Variants in ADCY2 observed in about 807,000 individuals in gnomAD.
The protein encoded by ADCY2 is adenylate cyclase 2, also known as adenylate cyclase type 2.
ADCY2 carries 31 observed loss-of-function variants against 125.2 expected under a neutral mutation model. The ratio of observed to expected loss-of-function variants is 0.25; its 90% CI spans 0.19 to 0.33. ADCY2 has a LOEUF of 0.33. Among genes scored for constraint, ADCY2 ranks in the 10% least tolerant of loss-of-function variants. The pLI, the probability that ADCY2 is intolerant of heterozygous loss-of-function variation, is 1.00. For missense variants in ADCY2, 904 were observed against 1,418.2 expected (o/e 0.64, Z 5.82); for synonymous variants, 512 against 548.4 (o/e 0.93, Z 0.93).
chr5:7,427,430 C>A (rs1031283383), intron 2 of ADCY2, among the ~76,000 whole-genome samples: 2 of 152,150 alleles, frequency 1.3e-5, no homozygotes, highest in Non-Finnish European at 2.9e-5. Flanking sequence ...ACCTTCTTCA[C>A]AAGACAGCAG....
At position 7,826,621 on chromosome 5, in the gene ADCY2, A is replaced by G. The variant is rs752773617; in HGVS notation, c.3124-98A>G. On this transcript the variant is annotated intron_variant, in intron 24 of 24. Coordinates refer to ENST00000338316, the MANE Select transcript of ADCY2 (RefSeq NM_020546.3). ...TCTCAGGAGTGGAATTCCTGGGTCA[A>G]AGAGCATGGTGCTTTTTTTAGCTCT... 3.9e-6 allele frequency: 6 copies of G among 1,525,652 alleles called. No homozygotes were observed. In the Admixed American group the frequency reaches 5.0e-5, roughly 13 times the overall value. 94.5% of individuals were successfully genotyped at this position (1,525,652 alleles called of 1,614,324 possible).
chr5:7,397,564 C>T (rs938190459), intron 1 of ADCY2, among the ~76,000 whole-genome samples: 8 of 149,888 alleles, frequency 5.3e-5, no homozygotes, highest in Non-Finnish European at 1.2e-4. Context: ...GTGTCCACCA[C>T]CAAAGAAGTG....
intron 2 of ADCY2, among the ~76,000 whole-genome samples, chr5:7,513,743 A>G (rs12657344): frequency 0.049 from 7,430 of 152,322 alleles, 261 homozygotes; most frequent in East Asian, 0.18. Context: ...TTGCGGTACT[A>G]TTGTTGGAAG....
intron 18 of ADCY2, among the ~76,000 whole-genome samples, chr5:7,781,654 G>C (rs532617487): frequency 6.6e-6 from 1 of 152,318 alleles, no homozygotes; most frequent in Admixed American, 6.5e-5. Flanking sequence ...ACAACACTGA[G>C]ATGATACATT....
intron 3 of ADCY2, among the ~76,000 whole-genome samples, chr5:7,606,318 T>G (rs1437522949): frequency 6.6e-6 from 1 of 151,950 alleles, no homozygotes; most frequent in African/African-American, 2.4e-5. Context: ...TATGGAAAAA[T>G]TTTTTTTAAA....
chr5:7,826,202 AG>A (rs1351263065), intron 24 of ADCY2, among the ~76,000 whole-genome samples: 1 of 152,050 alleles, frequency 6.6e-6, no homozygotes, highest in Non-Finnish European at 1.5e-5. Flanking sequence ...TACAGTGCTC[AG>A]TGCTCCTTCT....
rs138136463 is a variant in ADCY2 at position 7,729,900 on chromosome 5, A to G, written c.1871+2639A>G. On this transcript the variant is annotated intron_variant, in intron 14 of 24. Coordinates refer to ENST00000338316, the MANE Select transcript of ADCY2 (RefSeq NM_020546.3). ...TTTTAATGTTATATATTTTTGGTCA[A>G]TATCTTTTGGGATAGAAGTGGTTTT... Among the ~76,000 whole-genome samples the G allele has an allele frequency of 2.6e-3, 393 of 151,292 alleles. 2 individuals carry two copies. The highest frequency in any genetic ancestry group is 4.6e-3 in the Non-Finnish European group (310 of 67,790).
intron 20 of ADCY2, among the ~76,000 whole-genome samples, chr5:7,790,654 T>A (rs1255588633): frequency 1.3e-5 from 2 of 152,178 alleles, no homozygotes; most frequent in African/African-American, 4.8e-5. Context: ...TCAATCAAGT[T>A]AGAAGTTTAT....
At chr5:7,535,003 T>C (rs1734769721) in intron 3 of ADCY2, among the ~76,000 whole-genome samples, 1 of 152,204 alleles carries the variant, frequency 6.6e-6, no homozygotes. Context: ...TGAGATGAGC[T>C]TCTGAGATCT....
chr5:7,546,078 A>G (rs953282024), intron 3 of ADCY2, among the ~76,000 whole-genome samples: 10 of 152,296 alleles, frequency 6.6e-5, no homozygotes, highest in African/African-American at 1.9e-4. Flanking sequence ...CCTTTCACCT[A>G]TTCCAATACT....
At chr5:7,741,217 G>A (rs1742396659) in intron 14 of ADCY2, among the ~76,000 whole-genome samples, 1 of 152,064 alleles carries the variant, frequency 6.6e-6, no homozygotes, top group Non-Finnish European at 1.5e-5. Flanking sequence ...TGGCAGAAAT[G>A]TGACATGTCT....
At chr5:7,788,703 T>C (rs1453721969) in intron 19 of ADCY2, among the ~76,000 whole-genome samples, 1 of 152,198 alleles carries the variant, frequency 6.6e-6, no homozygotes, top group Non-Finnish European at 1.5e-5. Flanking sequence ...TCTGTGTGCA[T>C]GTGTGTGTGT....
chr5:7,629,952 A>C (rs957784716), intron 4 of ADCY2, among the ~76,000 whole-genome samples: 1 of 152,260 alleles, frequency 6.6e-6, no homozygotes, highest in South Asian at 2.1e-4. Flanking sequence ...GGGAGAATAA[A>C]CCCTCTTTAA....
chr5:7,491,919 A>C (rs1205170747), intron 2 of ADCY2, among the ~76,000 whole-genome samples: 2 of 152,194 alleles, frequency 1.3e-5, no homozygotes, highest in African/African-American at 2.4e-5. Context: ...GTCATTTATT[A>C]AATTTTAAAA....
chr5:7,516,569 G>A (rs1449882700), intron 2 of ADCY2, among the ~76,000 whole-genome samples: 3 of 152,216 alleles, frequency 2.0e-5, no homozygotes, highest in Non-Finnish European at 4.4e-5. Context: ...AGGGAGGCAA[G>A]AGGACATGGC....
At chr5:7,427,695 A>C (rs1740436847) in intron 2 of ADCY2, among the ~76,000 whole-genome samples, 1 of 152,204 alleles carries the variant, frequency 6.6e-6, no homozygotes, top group South Asian at 2.1e-4. Context: ...ATTTCCAAAT[A>C]AGGTCACATT....
chr5:7,466,807 C>T (rs934165232), intron 2 of ADCY2, among the ~76,000 whole-genome samples: 2 of 152,190 alleles, frequency 1.3e-5, no homozygotes, highest in Non-Finnish European at 2.9e-5. Flanking sequence ...GTAACAAGCA[C>T]ACCATGCTTT....
intron 15 of ADCY2, 65 bp from the exon 16 acceptor site, chr5:7,757,384 A>C: frequency 6.4e-7 from 1 of 1,570,462 alleles, no homozygotes; most frequent in Non-Finnish European, 8.6e-7. Flanking sequence ...AAACATTGTC[A>C]TCAAGAAACT....
Position 7,505,969 on chromosome 5 carries a change from T to A in ADCY2, c.409-14769T>A, listed in dbSNP as rs77081663. The stretch of plus-strand genomic sequence containing the variant: ...GCCCTTTTATATAACATTTTATTTT[T>A]TTTTTTATGAAGACCTTACCTTTTT... On this transcript the variant is annotated intron_variant, in intron 2 of 24. Coordinates refer to ENST00000338316, the MANE Select transcript of ADCY2 (RefSeq NM_020546.3). Among the ~76,000 whole-genome samples, 1,099 of 152,330 alleles carry A rather than the reference T, an allele frequency of 7.2e-3. 17 individuals are homozygous for A. Among genetic ancestry groups the A allele is most frequent in the African/African-American group, 0.025 (1,024 of 41,576 alleles).
Sources: gnomAD v4.1 joint callset for allele counts (sites outside exome capture counted in the v4.1 genomes callset) on GRCh38, gnomAD v4.1.1 for gene constraint, MANE v1.5 for transcripts, NCBI Gene and HGNC (gene_info 2026-07-23, HGNC 2026-07-21) for gene names.